Variants in NAT10 observed in about 807,000 individuals in gnomAD.
NAT10 encodes N-acetyltransferase 10, also known as RNA cytidine acetyltransferase.
Under a neutral mutation model 132.2 loss-of-function variants are expected in NAT10, and 109 were observed. That is an observed-to-expected ratio of 0.82 (90% CI 0.71 to 0.97). The LOEUF (loss-of-function observed/expected upper bound fraction) is 0.97. NAT10 is among the 50% of genes least tolerant of loss of function. The probability of loss-of-function intolerance (pLI) is 0.00; values close to 1 mark genes in which losing one functional copy is unlikely to be tolerated. For synonymous variants in NAT10, 479 were observed against 478.0 expected (o/e 1.00, Z -0.03); for missense variants, 1,184 against 1,263.4 (o/e 0.94, Z 0.95).
intron 12 of NAT10, among the ~76,000 whole-genome samples, chr11:34,128,758 T>A (rs954379644): frequency 6.6e-6 from 1 of 152,178 alleles, no homozygotes; most frequent in Non-Finnish European, 1.5e-5. Flanking sequence ...GTTCACAGAG[T>A]TGTGCAACCG....
At chr11:34,138,620 C>T (rs995363733) in intron 21 of NAT10, among the ~76,000 whole-genome samples, 2 of 151,956 alleles carry the variant, frequency 1.3e-5, no homozygotes, top group Non-Finnish European at 2.9e-5. Context: ...GCGGTGTGTC[C>T]GTGTGGTCTT....
intron 16 of NAT10, among the ~76,000 whole-genome samples, chr11:34,133,969 G>T (rs548116526): frequency 6.6e-6 from 1 of 150,838 alleles, no homozygotes; most frequent in Non-Finnish European, 1.5e-5. Context: ...TGGCTAACAC[G>T]GTGAAACCCC....
At chr11:34,107,175 A>T (rs1238857742) in intron 1 of NAT10, 3 of 149,774 alleles carry the variant, frequency 2.0e-5, no homozygotes, top group Non-Finnish European at 4.4e-5. Flanking sequence ...CTCCACTACC[A>T]CTCCCGGCTA....
rs1046838620 is a variant in NAT10 at position 34,108,109 on chromosome 11, A to G, written c.-15-102A>G. Reference sequence around the variant, plus strand: ...TAGAGGGTTAAGTAAGACAATACTTATAGATATGCCTAGCACAGTCCCAGG... The same window carrying G: ...TAGAGGGTTAAGTAAGACAATACTTGTAGATATGCCTAGCACAGTCCCAGG... On this transcript the variant is annotated intron_variant, in intron 1 of 28. Coordinates refer to ENST00000257829, the MANE Select transcript of NAT10 (RefSeq NM_024662.3). The G allele has an allele frequency of 6.8e-6, 5 of 733,150 alleles. 1 individual carries two copies. The highest frequency in any genetic ancestry group is 5.0e-5 in the South Asian group (3 of 59,760). The allele number at this position is 733,150 out of a possible 1,614,324, so 45.4% of individuals were successfully genotyped here.
rs561167243 is a variant in NAT10, at chr11:34,117,925, C to G, written c.558-255C>G. On this transcript the variant is annotated intron_variant, in intron 6 of 28. Transcript: ENST00000257829. The stretch of plus-strand genomic sequence containing the variant: ...ACGTGGTGTAGGGAATAGTGGCAGT[C>G]ATGCACAACAGGAGGGCTTCTAATT... 2.0e-5 allele frequency among the ~76,000 whole-genome samples: 3 copies of G among 152,116 alleles called. No homozygotes were observed. In the East Asian group the frequency reaches 5.8e-4, roughly 29 times the overall value.
chr11:34,143,274 C>T (rs1258554259), intron 27 of NAT10, among the ~76,000 whole-genome samples, 171 bp from the exon 28 acceptor site: 1 of 152,216 alleles, frequency 6.6e-6, no homozygotes, highest in East Asian at 1.9e-4. Context: ...TCTCTTGGCC[C>T]TCCTGCATGC....
At chr11:34,129,980 TTAAA>T (rs1318355993) in intron 12 of NAT10, among the ~76,000 whole-genome samples, 5 of 152,220 alleles carry the variant, frequency 3.3e-5, no homozygotes, top group Non-Finnish European at 5.9e-5. Flanking sequence ...CTCTTTTTTC[TTAAA>T]TAAATAAATA....
In NAT10 at chr11:34,108,314, G is replaced by A. The variant is rs184510181; in HGVS notation, c.89G>A (p.Gly30Glu). ...CAAAGATCTCTCTTTGTTGTAGTTG[G>A]GGATCGAGGAAAAGATCAGGTATGG... ...ERQRSLFVVV[G>E]DRGKDQVVIL... Residue 30 changes from glycine (G) to glutamate (E), a missense_variant, in exon 2 of 29, where the codon GGG becomes GAG. Physicochemically the swap from Gly to Glu is moderately conservative, Grantham distance 98. Transcript: ENST00000257829. 27 of 1,613,982 alleles carry A rather than the reference G, an allele frequency of 1.7e-5. No homozygotes were observed. The highest frequency in any genetic ancestry group is 2.2e-5 in the Non-Finnish European group (26 of 1,179,858).
chr11:34,145,359 C>G (rs1852420723), intron 28 of NAT10, among the ~76,000 whole-genome samples: 1 of 152,212 alleles, frequency 6.6e-6, no homozygotes, highest in African/African-American at 2.4e-5. Context: ...TGAGGCCTTT[C>G]TTTTTCTTCC....
chr11:34,124,473 C>T, intron 11 of NAT10, 73 bp downstream of exon 11: 1 of 1,089,080 alleles, frequency 9.2e-7, no homozygotes, highest in Non-Finnish European at 1.4e-6. Context: ...AAGATGTTTC[C>T]TGTTATAGAC....
Position 34,142,326 on chromosome 11 carries a change from CTGA to C in NAT10, c.2864_2866del (p.Leu955_Lys956delinsGln). ...GAAACACAAGAAGGAAGTAGGGAAGCTGAAGAGCATGGACCTCTCTGAGTAAGG... is the reference window on the plus strand; with the variant it reads ...GAAACACAAGAAGGAAGTAGGGAAGCAGAGCATGGACCTCTCTGAGTAAGG... On this transcript the variant is annotated inframe_deletion, in exon 27 of 29. Transcript: ENST00000257829. 1 of 1,614,158 alleles carries C rather than the reference CTGA, an allele frequency of 6.2e-7. No individual in the cohort carries two copies. The highest frequency in any genetic ancestry group is 8.5e-7 in the Non-Finnish European group (1 of 1,180,014).
rs758599807 is a variant in NAT10, at chr11:34,112,036, G to A, written c.201-16G>A. Reference sequence around the variant, plus strand: ...GGTTAACTGGCTCTCATGGGATTGGGGGTGTGTGATTGCAGTCACCGGAAG... The same window carrying A: ...GGTTAACTGGCTCTCATGGGATTGGAGGTGTGTGATTGCAGTCACCGGAAG... On this transcript the variant is annotated splice_polypyrimidine_tract_variant and intron_variant, in intron 3 of 28. Coordinates refer to ENST00000257829, the MANE Select transcript of NAT10 (RefSeq NM_024662.3). 1.9e-6 allele frequency: 3 copies of A among 1,613,764 alleles called. No homozygotes were observed. The highest frequency in any genetic ancestry group is 1.7e-6 in the Non-Finnish European group (2 of 1,179,862).
chr11:34,108,023 C>A (rs1188436327), intron 1 of NAT10, among the ~76,000 whole-genome samples, 188 bp from the exon 2 acceptor site: 1 of 152,156 alleles, frequency 6.6e-6, no homozygotes. Context: ...GTTTTCTCAC[C>A]TCCCAAGCCT....
chr11:34,125,018 G>T (rs2132954062), intron 11 of NAT10, among the ~76,000 whole-genome samples: 1 of 152,288 alleles, frequency 6.6e-6, no homozygotes, highest in South Asian at 2.1e-4. Context: ...GATTATTTTT[G>T]GAATTGGGTT....
intron 7 of NAT10, 46 bp from the exon 8 acceptor site, chr11:34,118,349 TC>T: frequency 6.2e-7 from 1 of 1,611,058 alleles, no homozygotes; most frequent in Non-Finnish European, 8.5e-7. Flanking sequence ...TCTGTGTTGT[TC>T]CTCCTGTGAC....
At chr11:34,122,111 G>A (rs1235170077) in intron 8 of NAT10, among the ~76,000 whole-genome samples, 1 of 152,116 alleles carries the variant, frequency 6.6e-6, no homozygotes, top group Non-Finnish European at 1.5e-5. Context: ...GGGAGGTGGA[G>A]GTTGCAGTGA....
At chr11:34,144,245 C>T (rs768842839) in intron 28 of NAT10, among the ~76,000 whole-genome samples, 16 of 151,872 alleles carry the variant, frequency 1.1e-4, no homozygotes, top group Non-Finnish European at 2.2e-4. Context: ...GACCAACCTG[C>T]GCAACATAGC....
chr11:34,111,060 C>T (rs571570792), intron 3 of NAT10, among the ~76,000 whole-genome samples: 36 of 152,226 alleles, frequency 2.4e-4, no homozygotes, highest in Non-Finnish European at 2.6e-4. Flanking sequence ...CTGGTTTTCA[C>T]TATTTTTCAT....
intron 9 of NAT10, 84 bp from the exon 10 acceptor site, chr11:34,123,678 C>A: frequency 2.7e-6 from 3 of 1,113,476 alleles, no homozygotes; most frequent in African/African-American, 1.6e-5. Flanking sequence ...GGGACAGGAG[C>A]AAACAAAAAT....
Sources: allele counts gnomAD v4.1 joint callset (sites outside exome capture counted in the v4.1 genomes callset), GRCh38; gene constraint gnomAD v4.1.1; transcripts MANE v1.5; gene names NCBI Gene and HGNC (gene_info 2026-07-23, HGNC 2026-07-21).